The following MAPKAP1 variants were observed in gnomAD, a reference collection of about 807,000 sequenced individuals.
The protein encoded by MAPKAP1 is target of rapamycin complex 2 subunit MAPKAP1.
A neutral mutation model predicts 65.7 loss-of-function variants in MAPKAP1; 20 were observed. The ratio of observed to expected loss-of-function variants is 0.30; its 90% confidence interval spans 0.21 to 0.44. MAPKAP1 has a LOEUF of 0.44. Among genes scored for constraint, MAPKAP1 ranks in the 20% least tolerant of loss-of-function variants. The pLI, the probability that MAPKAP1 is intolerant of heterozygous loss-of-function variation, is 1.00. For missense variants in MAPKAP1, 423 were observed against 648.0 expected, an observed-to-expected ratio of 0.65 and a Z score of 3.77; for synonymous variants, 222 against 244.3, an observed-to-expected ratio of 0.91 and a Z score of 0.85.
intron 1 of MAPKAP1, among the ~76,000 whole-genome samples, chr9:125,699,794 T>C (rs1835541863): frequency 6.6e-6 from 1 of 152,062 alleles, no homozygotes; most frequent in African/African-American, 2.4e-5. Flanking sequence ...GCTAATATTT[T>C]TGTAGAGACA....
chr9:125,675,760 G>A (rs1310337855), intron 1 of MAPKAP1, among the ~76,000 whole-genome samples: 1 of 152,196 alleles, frequency 6.6e-6, no homozygotes, highest in Non-Finnish European at 1.5e-5. Context: ...TTCAATAAAT[G>A]TTGCTGTCTA....
intron 4 of MAPKAP1, among the ~76,000 whole-genome samples, chr9:125,626,650 A>G (rs896131189): frequency 5.3e-5 from 8 of 152,184 alleles, no homozygotes; most frequent in African/African-American, 1.9e-4. Context: ...AGAAAGTTCT[A>G]CTGGAGAGTG....
At chr9:125,557,909 T>C (rs915463048) in intron 6 of MAPKAP1, among the ~76,000 whole-genome samples, 2 of 152,142 alleles carry the variant, frequency 1.3e-5, no homozygotes, top group Admixed American at 6.5e-5. Context: ...CAGGCTGGAG[T>C]GCAATGGCGC....
intron 6 of MAPKAP1, among the ~76,000 whole-genome samples, chr9:125,558,289 CT>C (rs35911507): frequency 1.8e-4 from 28 of 152,180 alleles, no homozygotes; most frequent in Non-Finnish European, 3.5e-4. Flanking sequence ...CATTGGCCAA[CT>C]TTTCAATTAT....
At chr9:125,675,049 C>T (rs543745020) in intron 1 of MAPKAP1, among the ~76,000 whole-genome samples, 2 of 152,124 alleles carry the variant, frequency 1.3e-5, no homozygotes, top group Non-Finnish European at 1.5e-5. Flanking sequence ...AAAATGTATA[C>T]ACCACACATT....
At chr9:125,587,981 T>G (rs949572648) in intron 4 of MAPKAP1, among the ~76,000 whole-genome samples, 6 of 152,186 alleles carry the variant, frequency 3.9e-5, no homozygotes, top group Non-Finnish European at 5.9e-5. Flanking sequence ...GAATGTAAAA[T>G]GATACAGTCA....
At chr9:125,585,751 G>C in intron 4 of MAPKAP1, 24 bp from the exon 5 acceptor site, 8 of 1,609,688 alleles carry the variant, frequency 5.0e-6, no homozygotes, top group South Asian at 2.2e-5. Flanking sequence ...AAACACGTGA[G>C]AGCAAAGCAC....
intron 7 of MAPKAP1, among the ~76,000 whole-genome samples, chr9:125,518,715 A>G (rs537613862): frequency 1.3e-5 from 2 of 152,326 alleles, no homozygotes; most frequent in Admixed American, 1.3e-4. Flanking sequence ...GAATTCTATG[A>G]TACATTATTA....
chr9:125,596,079 G>T (rs1832117063), intron 4 of MAPKAP1: 1 of 1,074,832 alleles, frequency 9.3e-7, no homozygotes, highest in South Asian at 1.2e-5. Flanking sequence ...AATCACGACT[G>T]ACCGAGGCAG....
At chr9:125,599,587 A>G (rs1013271918) in intron 4 of MAPKAP1, among the ~76,000 whole-genome samples, 1 of 148,878 alleles carries the variant, frequency 6.7e-6, no homozygotes, top group Non-Finnish European at 1.5e-5. Context: ...TGTAACATCT[A>G]TGATAAATGT....
chr9:125,652,959 A>G, intron 4 of MAPKAP1, among the ~76,000 whole-genome samples: 1 of 152,216 alleles, frequency 6.6e-6, no homozygotes, highest in East Asian at 1.9e-4. Flanking sequence ...TGTCAACCAC[A>G]TAATGAAGTA....
chr9:125,615,263 T>A (rs1458044690), intron 4 of MAPKAP1, among the ~76,000 whole-genome samples: 1 of 152,146 alleles, frequency 6.6e-6, no homozygotes, highest in Non-Finnish European at 1.5e-5. Flanking sequence ...CTAAAGATAT[T>A]ATAGGTCACT....
chr9:125,545,781 T>G (rs904948013), intron 6 of MAPKAP1, among the ~76,000 whole-genome samples: 1 of 152,174 alleles, frequency 6.6e-6, no homozygotes, highest in Non-Finnish European at 1.5e-5. Context: ...TTTCTGTCAT[T>G]TTACCAAAAC....
At chr9:125,533,456 CT>C (rs200901488) in intron 7 of MAPKAP1, among the ~76,000 whole-genome samples, 51 of 145,608 alleles carry the variant, frequency 3.5e-4, no homozygotes, top group South Asian at 6.6e-4. Context: ...TAAACTTTTT[CT>C]TTTTTTTTTT....
chr9:125,647,975 ACAAGATG>A (rs1342746253), intron 4 of MAPKAP1, among the ~76,000 whole-genome samples: 1 of 151,660 alleles, frequency 6.6e-6, no homozygotes, highest in Non-Finnish European at 1.5e-5. Flanking sequence ...GTTAAGGCTA[ACAAGATG>A]CAGTAACTTG....
intron 10 of MAPKAP1, among the ~76,000 whole-genome samples, chr9:125,453,540 T>C (rs962511026): frequency 6.6e-6 from 1 of 152,286 alleles, no homozygotes; most frequent in Admixed American, 6.5e-5. Context: ...TGTTCTTCTT[T>C]GTAAATATTC....
At chr9:125,638,991 C>T (rs1339296050) in intron 4 of MAPKAP1, among the ~76,000 whole-genome samples, 1 of 152,180 alleles carries the variant, frequency 6.6e-6, no homozygotes, top group Non-Finnish European at 1.5e-5. Context: ...TCTATCTGAA[C>T]ACTTTGGGAG....
At chr9:125,687,412 G>A (rs1399056196) in intron 1 of MAPKAP1, among the ~76,000 whole-genome samples, 4 of 152,022 alleles carry the variant, frequency 2.6e-5, no homozygotes, top group East Asian at 1.9e-4. Context: ...CAGTGCTTCC[G>A]ACTGTTTCCT....
At chr9:125,508,793 A>G (rs1362769506) in intron 7 of MAPKAP1, among the ~76,000 whole-genome samples, 1 of 152,156 alleles carries the variant, frequency 6.6e-6, no homozygotes, top group African/African-American at 2.4e-5. Flanking sequence ...TGAGGCTGCA[A>G]TGAGCTATGA....
Sources: gnomAD v4.1 joint callset for allele counts (sites outside exome capture counted in the v4.1 genomes callset) on GRCh38, gnomAD v4.1.1 for gene constraint, MANE v1.5 for transcripts, NCBI Gene and HGNC (gene_info 2026-07-23, HGNC 2026-07-21) for gene names.